MMP16: variants seen among roughly 807,000 people sequenced by gnomAD.
MMP16 encodes matrix metalloproteinase-16.
A neutral mutation model predicts 67.8 loss-of-function variants in MMP16; 12 were observed. That is an observed-to-expected ratio of 0.18 (90% CI 0.11 to 0.29). MMP16 has a LOEUF of 0.29. Among genes scored for constraint, MMP16 ranks in the 10% least tolerant of loss-of-function variants. MMP16 has a pLI of 1.00. For synonymous variants in MMP16, 249 were observed against 255.9 expected (o/e 0.97, Z 0.26); for missense variants, 475 against 765.7 (o/e 0.62, Z 4.48).
At chr8:88,166,202 T>C (rs1022851091) in intron 4 of MMP16, among the ~76,000 whole-genome samples, 6 of 152,110 alleles carry the variant, frequency 3.9e-5, no homozygotes, top group African/African-American at 1.4e-4. Context: ...CTTAATGTCA[T>C]GACTAGGGTT....
chr8:88,252,308 C>T (rs16880322), intron 1 of MMP16, among the ~76,000 whole-genome samples: 18,611 of 152,034 alleles, frequency 0.12, 2,446 homozygotes, highest in African/African-American at 0.33. Flanking sequence ...GATTGTACTA[C>T]GGCCTCTTCC....
intron 1 of MMP16, among the ~76,000 whole-genome samples, chr8:88,240,276 ATTGAGAATGTAATAT>A (rs1810014130): frequency 6.6e-6 from 1 of 152,208 alleles, no homozygotes; most frequent in Admixed American, 6.5e-5. Flanking sequence ...GGAGGATCAA[ATTGAGAATGTAATAT>A]TTTAGTTGCA....
At chr8:88,131,785 C>T (rs991935226) in intron 4 of MMP16, among the ~76,000 whole-genome samples, 1 of 151,792 alleles carries the variant, frequency 6.6e-6, no homozygotes, top group Non-Finnish European at 1.5e-5. Flanking sequence ...ATAATTTTTA[C>T]CCCTCTCACT....
At chr8:88,049,241 AT>A (rs1309030502) in intron 8 of MMP16, among the ~76,000 whole-genome samples, 1 of 152,236 alleles carries the variant, frequency 6.6e-6, no homozygotes, top group Non-Finnish European at 1.5e-5. Context: ...AAGTGGAATC[AT>A]TAGTGTATCA....
intron 4 of MMP16, among the ~76,000 whole-genome samples, chr8:88,125,695 A>T (rs867169016): frequency 1.3e-5 from 2 of 151,998 alleles, no homozygotes; most frequent in South Asian, 4.1e-4. Context: ...CTTGCTGAAG[A>T]AAAGCAAGAT....
intron 6 of MMP16, among the ~76,000 whole-genome samples, chr8:88,083,995 T>TC (rs1193551285): frequency 6.6e-6 from 1 of 151,932 alleles, no homozygotes. Flanking sequence ...TCCCTACTTT[T>TC]CCCCCAATGG....
intron 2 of MMP16, among the ~76,000 whole-genome samples, chr8:88,193,973 G>A (rs1283042008): frequency 6.6e-6 from 1 of 151,772 alleles, no homozygotes; most frequent in African/African-American, 2.4e-5. Flanking sequence ...CCAAAAATTA[G>A]CTATGCATCT....
At chr8:88,069,104 G>A (rs1808507481) in intron 7 of MMP16, 1 of 193,998 alleles carries the variant, frequency 5.2e-6, no homozygotes. Context: ...AAAAGTGCCT[G>A]CAAGTATTTC....
chr8:88,166,690 T>C (rs1289213232), intron 4 of MMP16, among the ~76,000 whole-genome samples: 1 of 31,832 alleles, frequency 3.1e-5, no homozygotes, highest in African/African-American at 2.3e-4. Flanking sequence ...AAAAATTACA[T>C]ATATATATAT....
intron 2 of MMP16, among the ~76,000 whole-genome samples, chr8:88,187,108 ATT>A (rs1029931024): frequency 1.8e-4 from 27 of 152,222 alleles, no homozygotes; most frequent in African/African-American, 6.5e-4. Context: ...TAAAATATTC[ATT>A]TCTCTACCTT....
chr8:88,040,399 G>T lies in MMP16; in HGVS notation c.*1062C>A, dbSNP rs929629804. 2.0e-5 allele frequency: 3 copies of T among 152,404 alleles called. No individual in the cohort carries two copies. The highest frequency in any genetic ancestry group is 7.2e-5 in the African/African-American group (3 of 41,410). 9.4% of individuals were successfully genotyped at this position (152,404 alleles called of 1,614,324 possible). On this transcript the variant is annotated 3_prime_UTR_variant, in exon 10 of 10. Coordinates refer to ENST00000286614, the MANE Select transcript of MMP16 (RefSeq NM_005941.5). ...GCCCAGTTCTATAATTTATCAGATC[G>T]CAAGACCGACAATCCTAAGACTCTG...
chr8:88,294,152 C>G (rs1810967507), intron 1 of MMP16, among the ~76,000 whole-genome samples: 1 of 150,550 alleles, frequency 6.6e-6, no homozygotes, highest in Non-Finnish European at 1.5e-5. Context: ...TTATATATGT[C>G]TATACATGTG....
At position 88,074,645 on chromosome 8, in the gene MMP16, T is replaced by G; in HGVS notation, c.1182A>C (p.Ala394=). 1 of 1,613,706 alleles carries G rather than the reference T, an allele frequency of 6.2e-7. No homozygotes were observed. Among genetic ancestry groups the G allele is most frequent in the Non-Finnish European group, 8.5e-7 (1 of 1,179,766 alleles). ...AATTCCCGTCGCTATTTTCATAAAC[T>G]GCATCGATACTAGGAGGCAAGCCCC... ...FWRGLPPSID[A]VYENSDGNFV... Residue 394 remains alanine (A), a synonymous_variant, in exon 7 of 10, where the codon GCA becomes GCC. Transcript: ENST00000286614.
chr8:88,272,813 T>C (rs1810585862), intron 1 of MMP16, among the ~76,000 whole-genome samples: 1 of 151,580 alleles, frequency 6.6e-6, no homozygotes, highest in Non-Finnish European at 1.5e-5. Flanking sequence ...GAGAAGGGAG[T>C]AGTGACCACC....
At chr8:88,168,722 C>T (rs1435399434) in intron 3 of MMP16, among the ~76,000 whole-genome samples, 6 of 151,920 alleles carry the variant, frequency 3.9e-5, no homozygotes, top group Admixed American at 3.3e-4. Context: ...AAAAATGGAA[C>T]TAGTATTTGT....
chr8:88,084,627 G>T (rs1808804620), intron 6 of MMP16, among the ~76,000 whole-genome samples: 1 of 151,918 alleles, frequency 6.6e-6, no homozygotes, highest in Admixed American at 6.6e-5. Context: ...CATGTGTACT[G>T]CATTTGCATA....
rs560185506 is a variant in MMP16, at chr8:88,327,308, G to A, written c.-102C>T. ...CCTTTCAAAAAAAAGTCCTCCGGGT[G>A]GGTAAGGAGCCTGCAGGTTCACCCA... On this transcript the variant is annotated 5_prime_UTR_variant, in exon 1 of 10. Transcript: ENST00000286614. The A allele has an allele frequency of 5.3e-6, 8 of 1,515,202 alleles. No individual in the cohort carries two copies. Among genetic ancestry groups the A allele is most frequent in the East Asian group, 4.6e-5 (2 of 43,422 alleles). 93.9% of individuals were successfully genotyped at this position (1,515,202 alleles called of 1,614,324 possible).
chr8:88,325,182 C>A (rs1439147924), intron 1 of MMP16, among the ~76,000 whole-genome samples: 2 of 152,066 alleles, frequency 1.3e-5, no homozygotes, highest in African/African-American at 2.4e-5. Context: ...TCATTGGAAT[C>A]CAAAATTAAA....
intron 7 of MMP16, among the ~76,000 whole-genome samples, chr8:88,062,489 G>A (rs895778655): frequency 3.9e-5 from 6 of 152,096 alleles, no homozygotes; most frequent in Non-Finnish European, 5.9e-5. Context: ...AAAAAAGGAT[G>A]AGTTCATGTC....
Sources: allele counts gnomAD v4.1 joint callset (sites outside exome capture counted in the v4.1 genomes callset), GRCh38; gene constraint gnomAD v4.1.1; transcripts MANE v1.5; gene names NCBI Gene and HGNC (gene_info 2026-07-23, HGNC 2026-07-21).